The following ATP10B variants were observed in gnomAD, a reference collection of about 807,000 sequenced individuals.
ATP10B encodes the protein ATPase phospholipid transporting 10B (putative).
ATP10B carries 122 observed loss-of-function variants against 141.2 expected under a neutral mutation model. The observed-to-expected ratio is 0.86, with a 90% CI of 0.75 to 1.00. The LOEUF (loss-of-function observed/expected upper bound fraction) is 1.00. ATP10B is among the 50% of genes least tolerant of loss of function. ATP10B has a pLI of 0.00. For synonymous variants in ATP10B, 685 were observed against 692.0 expected, an observed-to-expected ratio of 0.99 and a Z score of 0.16; for missense variants, 1,876 against 1,825.3, an observed-to-expected ratio of 1.03 and a Z score of -0.51.
intron 1 of ATP10B, among the ~76,000 whole-genome samples, chr5:160,816,969 C>G (rs1290108356): frequency 6.6e-6 from 1 of 152,166 alleles, no homozygotes; most frequent in Non-Finnish European, 1.5e-5. Context: ...ATGCTAAAAA[C>G]TCTCAATAAA....
chr5:160,805,416 T>TA (rs1332726136), intron 1 of ATP10B, among the ~76,000 whole-genome samples: 7 of 152,214 alleles, frequency 4.6e-5, no homozygotes, highest in African/African-American at 1.7e-4. Flanking sequence ...AAGTGTGTCT[T>TA]AAAGAAGCTA....
At chr5:160,688,998 T>C in intron 3 of ATP10B, 55 bp from the exon 4 acceptor site, 1 of 935,784 alleles carries the variant, frequency 1.1e-6, no homozygotes, top group Non-Finnish European at 1.3e-6. Context: ...AAAGAAATGC[T>C]GCTTTACAGC....
At chr5:160,699,530 G>A (rs1764559970) in intron 3 of ATP10B, among the ~76,000 whole-genome samples, 1 of 152,210 alleles carries the variant, frequency 6.6e-6, no homozygotes, top group Admixed American at 6.5e-5. Context: ...GAAGAACTGA[G>A]GTGGGGGCAG....
intron 1 of ATP10B, among the ~76,000 whole-genome samples, chr5:160,795,346 G>A (rs1771862549): frequency 1.3e-5 from 2 of 152,140 alleles, no homozygotes; most frequent in Admixed American, 1.3e-4. Flanking sequence ...ATTGAAGACT[G>A]GAGTAGAGAG....
chr5:160,566,686 AG>A (rs1458875039), intron 25 of ATP10B, among the ~76,000 whole-genome samples: 1 of 152,166 alleles, frequency 6.6e-6, no homozygotes, highest in African/African-American at 2.4e-5. Flanking sequence ...AGGCAAGGAA[AG>A]GGGTGAGAAT....
chr5:160,863,422 A>C, the ATP10B span, among the ~76,000 whole-genome samples: 1 of 151,948 alleles, frequency 6.6e-6, no homozygotes, highest in Non-Finnish European at 1.5e-5. Flanking sequence ...AAGTAACAAG[A>C]GACACAACCT....
intron 9 of ATP10B, among the ~76,000 whole-genome samples, chr5:160,642,075 G>A (rs140946184): frequency 6.6e-5 from 10 of 151,800 alleles, no homozygotes; most frequent in South Asian, 2.1e-4. Context: ...GGTTCAAGGG[G>A]AGGAAGTATG....
intron 2 of ATP10B, among the ~76,000 whole-genome samples, chr5:160,752,658 C>T (rs751678273): frequency 2.0e-5 from 3 of 152,210 alleles, no homozygotes; most frequent in South Asian, 2.1e-4. Flanking sequence ...TTGGATTTTT[C>T]ACTTTGGAAA....
At chr5:160,884,821 G>C in the ATP10B span, among the ~76,000 whole-genome samples, 2 of 152,192 alleles carry the variant, frequency 1.3e-5, no homozygotes, top group East Asian at 3.8e-4. Context: ...TTGAGAAACA[G>C]TGAATTAATT....
At chr5:160,838,438 A>G (rs1351861982) in intron 1 of ATP10B, among the ~76,000 whole-genome samples, 1 of 152,176 alleles carries the variant, frequency 6.6e-6, no homozygotes, top group East Asian at 1.9e-4. Flanking sequence ...GCCAAATCCC[A>G]TTCCACTTCT....
chr5:160,790,277 G>A (rs79803074), intron 1 of ATP10B, among the ~76,000 whole-genome samples: 20,302 of 152,068 alleles, frequency 0.13, 1,462 homozygotes, highest in African/African-American at 0.18. Flanking sequence ...CTTGAAAAAA[G>A]TTTGTAAAGA....
In ATP10B at chr5:160,603,997, CA is replaced by C; in HGVS notation, c.3204del (p.Ile1068MetfsTer74). On this transcript the variant is annotated frameshift_variant, in exon 20 of 26. Coordinates refer to ENST00000327245, the MANE Select transcript of ATP10B (RefSeq NM_025153.3). LOFTEE classifies it high-confidence loss of function. ...CCTTCCTGTCCAGATATTCCAATTC[CA>C]ATATCAGCAGCTTGAATCATGCTTA... ...NDVSMIQAAD[I>X]GIGISGQEGM... The C allele has an allele frequency of 6.2e-7, 1 of 1,613,860 alleles. No individual in the cohort carries two copies. The highest frequency in any genetic ancestry group is 2.2e-5 in the East Asian group (1 of 44,872).
intron 13 of ATP10B, among the ~76,000 whole-genome samples, chr5:160,626,990 C>T (rs1374459514): frequency 6.6e-6 from 1 of 152,104 alleles, no homozygotes; most frequent in South Asian, 2.1e-4. Context: ...GGCATAGTTC[C>T]TCTTATGTCT....
chr5:160,834,690 C>T (rs1342424612), intron 1 of ATP10B, among the ~76,000 whole-genome samples: 1 of 152,122 alleles, frequency 6.6e-6, no homozygotes, highest in African/African-American at 2.4e-5. Context: ...TCACAATGTG[C>T]TTTCAGACAC....
chr5:160,741,345 T>A (rs1056847771), intron 2 of ATP10B, among the ~76,000 whole-genome samples: 9 of 152,270 alleles, frequency 5.9e-5, no homozygotes, highest in African/African-American at 1.9e-4. Flanking sequence ...AGTCTCTCTA[T>A]GAAGTCCAAA....
chr5:160,812,672 G>A (rs1424261565), intron 1 of ATP10B, among the ~76,000 whole-genome samples: 1 of 152,240 alleles, frequency 6.6e-6, no homozygotes, highest in East Asian at 1.9e-4. Context: ...GAATTAGTGA[G>A]CTTGAAGACA....
chr5:160,869,554 T>C, the ATP10B span, among the ~76,000 whole-genome samples: 1 of 152,126 alleles, frequency 6.6e-6, no homozygotes, highest in Non-Finnish European at 1.5e-5. Flanking sequence ...CAATTCTGCA[T>C]GTAAGGATCT....
At chr5:160,792,256 A>C (rs767921778) in intron 1 of ATP10B, among the ~76,000 whole-genome samples, 21 of 152,252 alleles carry the variant, frequency 1.4e-4, no homozygotes, top group Non-Finnish European at 2.9e-4. Context: ...TGTATTTCCC[A>C]CAATGCCTCA....
At position 160,564,656 on chromosome 5, in the gene ATP10B, T is replaced by A. The variant is rs145067267; in HGVS notation, c.*797A>T. On this transcript the variant is annotated 3_prime_UTR_variant, in exon 26 of 26. Transcript: ENST00000327245. ...ATGGGCAATTTTATTTAAAAATAGA[T>A]ACAATAAATAGCTTTAAAAAAAGAG... 14 of 152,284 alleles carry A rather than the reference T, an allele frequency of 9.2e-5. No individual in the cohort carries two copies. In the East Asian group the frequency reaches 2.7e-3, roughly 29 times the overall value. The allele number at this position is 152,284 out of a possible 1,614,324, so 9.4% of individuals were successfully genotyped here.
Sources: allele counts gnomAD v4.1 joint callset (sites outside exome capture counted in the v4.1 genomes callset), GRCh38; gene constraint gnomAD v4.1.1; transcripts MANE v1.5; gene names NCBI Gene and HGNC (gene_info 2026-07-23, HGNC 2026-07-21).